Variants in KLHDC2 observed in about 807,000 individuals in gnomAD.
KLHDC2 encodes kelch domain-containing protein 2.
In KLHDC2, 38 loss-of-function variants were observed where a neutral mutation model predicts 62.3. The observed-to-expected ratio is 0.61, with a 90% CI of 0.47 to 0.80. KLHDC2 has a LOEUF of 0.80. Among genes scored for constraint, KLHDC2 ranks in the 30% least tolerant of loss-of-function variants. The pLI is 0.00. For missense variants in KLHDC2, 430 were observed against 495.3 expected, an observed-to-expected ratio of 0.87 and a Z score of 1.25; for synonymous variants, 159 against 161.0, an observed-to-expected ratio of 0.99 and a Z score of 0.09.
intron 2 of KLHDC2, among the ~76,000 whole-genome samples, chr14:49,773,892 A>T (rs67928515): frequency 0.13 from 19,176 of 152,092 alleles, 1,451 homozygotes; most frequent in Admixed American, 0.22. Context: ...AGTAACTTTT[A>T]AAAAAATGAG....
intron 1 of KLHDC2, among the ~76,000 whole-genome samples, chr14:49,769,727 AGGAGCTCGAG>A (rs2139787513): frequency 6.6e-6 from 1 of 151,634 alleles, no homozygotes; most frequent in Admixed American, 6.6e-5. Context: ...AGCTGAAGTC[AGGAGCTCGAG>A]ACCAGCCTGG....
At position 49,784,047 on chromosome 14, in the gene KLHDC2, C is replaced by G. The variant is rs1361723454; in HGVS notation, c.*1094C>G. The G allele has an allele frequency of 6.6e-6, 1 of 151,578 alleles. No individual in the cohort carries two copies. The highest frequency in any genetic ancestry group is 1.5e-5 in the Non-Finnish European group (1 of 67,910). The allele number at this position is 151,578 out of a possible 1,614,324, so 9.4% of individuals were successfully genotyped here. A position where few individuals can be genotyped will look rare whatever the true frequency, so the allele number is the denominator to read the frequency against. On this transcript the variant is annotated 3_prime_UTR_variant, in exon 13 of 13. Transcript: ENST00000298307. ...ACTTCACTGTTCAGTTTCTTTACAT[C>G]ATGAAATGAATACTTGGTATTAACC...
At position 49,785,889 on chromosome 14, in the gene KLHDC2, C is replaced by CAAAA. The variant is rs5808514; in HGVS notation, c.*2949_*2952dup. ...AGCCTGGGTGACAGAGACCCTGTCT[C>CAAAA]AAAAAAAAAAAAAAAAGGAAAAAAA... On this transcript the variant is annotated 3_prime_UTR_variant, in exon 13 of 13. Coordinates refer to ENST00000298307, the MANE Select transcript of KLHDC2 (RefSeq NM_014315.3). 1.4e-4 allele frequency: 17 copies of CAAAA among 124,060 alleles called. No homozygotes were observed. The highest frequency in any genetic ancestry group is 2.6e-4 in the Admixed American group (3 of 11,566). The allele number at this position is 124,060 out of a possible 1,614,324, so 7.7% of individuals were successfully genotyped here. A position where few individuals can be genotyped will look rare whatever the true frequency, so the allele number is the denominator to read the frequency against.
At chr14:49,781,083 T>A (rs1889888774) in intron 10 of KLHDC2, among the ~76,000 whole-genome samples, 1 of 152,178 alleles carries the variant, frequency 6.6e-6, no homozygotes, top group South Asian at 2.1e-4. Context: ...TTATTAAAAA[T>A]GAGGGTCGGC....
rs1889732253 is a variant in KLHDC2, at chr14:49,774,545, A to G, written c.234-16A>G. The G allele has an allele frequency of 6.6e-7, 1 of 1,519,076 alleles. No individual in the cohort carries two copies. The highest frequency in any genetic ancestry group is 1.1e-5 in the South Asian group (1 of 89,148). The allele number at this position is 1,519,076 out of a possible 1,614,324, so 94.1% of individuals were successfully genotyped here. A position where few individuals can be genotyped will look rare whatever the true frequency, so the allele number is the denominator to read the frequency against. On this transcript the variant is annotated splice_polypyrimidine_tract_variant and intron_variant, in intron 2 of 12. Coordinates refer to ENST00000298307, the MANE Select transcript of KLHDC2 (RefSeq NM_014315.3). ...CTTCCCTTTAACTTACATACATTTA[A>G]TTTATTCCCCCTCAGGAAAAAAATC...
At chr14:49,774,444 T>C (rs1889729425) in intron 2 of KLHDC2, 117 bp from the exon 3 acceptor site, 3 of 724,022 alleles carry the variant, frequency 4.1e-6, no homozygotes, top group Non-Finnish European at 7.5e-6. Context: ...CGGCACTGTC[T>C]ACTCTGCCTT....
Position 49,782,601 on chromosome 14 carries a change from A to G in KLHDC2, c.1097+7A>G. ...AACCAAAATCTCTTGTACGGTAAGTAACTTTGTACTTGGCACTTAGATTAT... is the reference window on the plus strand; with the variant it reads ...AACCAAAATCTCTTGTACGGTAAGTGACTTTGTACTTGGCACTTAGATTAT... On this transcript the variant is annotated splice_region_variant and intron_variant, in intron 12 of 12. Coordinates refer to ENST00000298307, the MANE Select transcript of KLHDC2 (RefSeq NM_014315.3). The G allele has an allele frequency of 6.3e-7, 1 of 1,592,424 alleles. No individual in the cohort carries two copies. Among genetic ancestry groups the G allele is most frequent in the African/African-American group, 1.3e-5 (1 of 74,280 alleles).
Position 49,778,504 on chromosome 14 carries a change from TA to T in KLHDC2, c.633+13del, listed in dbSNP as rs1207028109. The T allele has an allele frequency of 2.9e-6, 3 of 1,031,064 alleles. No homozygotes were observed. The highest frequency in any genetic ancestry group is 4.0e-6 in the Non-Finnish European group (3 of 754,268). 63.9% of individuals were successfully genotyped at this position (1,031,064 alleles called of 1,614,324 possible). A position where few individuals can be genotyped will look rare whatever the true frequency, so the allele number is the denominator to read the frequency against. ...CCAGCCTATAACTACTGTGAGTTAC[TA>T]AAGAATAATGAATTGTTAAGGATAC... is the stretch of plus-strand genomic sequence containing the variant. On this transcript the variant is annotated intron_variant, in intron 6 of 12. Transcript: ENST00000298307.
At chr14:49,776,700 C>G (rs1015125484) in intron 3 of KLHDC2, among the ~76,000 whole-genome samples, 2 of 152,072 alleles carry the variant, frequency 1.3e-5, no homozygotes, top group Admixed American at 6.6e-5. Context: ...GGGCACATCA[C>G]TTGAGGCCAG....
At position 49,782,955 on chromosome 14, in the gene KLHDC2, G is replaced by T; in HGVS notation, c.*2G>T. The T allele has an allele frequency of 6.2e-7, 1 of 1,610,856 alleles. No individual in the cohort carries two copies. ...AGTAACAACACTTCTGGATCTTAAGGCTTCATAAATAATGCCTATGATCAC... is the reference window on the plus strand; with the variant it reads ...AGTAACAACACTTCTGGATCTTAAGTCTTCATAAATAATGCCTATGATCAC... On this transcript the variant is annotated 3_prime_UTR_variant, in exon 13 of 13. Transcript: ENST00000298307.
Position 49,784,427 on chromosome 14 carries a change from C to CAAAT in KLHDC2, c.*1476_*1479dup. 2.2e-6 allele frequency: 1 copy of CAAAT among 464,718 alleles called. No homozygotes were observed. The highest frequency in any genetic ancestry group is 3.8e-6 in the Non-Finnish European group (1 of 262,396). 28.8% of individuals were successfully genotyped at this position (464,718 alleles called of 1,614,324 possible). ...ATATTAATTAGCATTTAACTGTCCACAAATACTTTTGGAAATCCTATCATA... is the reference window on the plus strand; with the variant it reads ...ATATTAATTAGCATTTAACTGTCCACAAATAAATACTTTTGGAAATCCTATCATA... On this transcript the variant is annotated 3_prime_UTR_variant, in exon 13 of 13. Coordinates refer to ENST00000298307, the MANE Select transcript of KLHDC2 (RefSeq NM_014315.3).
At chr14:49,781,608 A>T (rs991438419) in intron 10 of KLHDC2, among the ~76,000 whole-genome samples, 3 of 151,884 alleles carry the variant, frequency 2.0e-5, no homozygotes, top group African/African-American at 7.3e-5. Context: ...ATATGCCTGT[A>T]GTCCCAGCTA....
At chr14:49,781,759 T>C (rs1182250735) in intron 10 of KLHDC2, among the ~76,000 whole-genome samples, 3 of 151,628 alleles carry the variant, frequency 2.0e-5, no homozygotes, top group Non-Finnish European at 4.4e-5. Context: ...GCAGTAGCAC[T>C]GTATAACAAA....
intron 6 of KLHDC2, among the ~76,000 whole-genome samples, chr14:49,778,937 C>T (rs1027032795): frequency 6.6e-6 from 1 of 152,066 alleles, no homozygotes; most frequent in Non-Finnish European, 1.5e-5. Flanking sequence ...ATTGGCCAGG[C>T]TGGTCTTGAA....
At chr14:49,771,249 T>C (rs1356765902) in intron 1 of KLHDC2, among the ~76,000 whole-genome samples, 1 of 151,970 alleles carries the variant, frequency 6.6e-6, no homozygotes, top group Non-Finnish European at 1.5e-5. Context: ...CTTAGGAGGC[T>C]GAGGCAGGAG....
Position 49,784,879 on chromosome 14 carries a change from A to T in KLHDC2, c.*1926A>T. ...TAACAAAAAACTGCTAACATTTTAAATTGTACTGTCAGTCTCCACATTCCT... is the reference window on the plus strand; with the variant it reads ...TAACAAAAAACTGCTAACATTTTAATTTGTACTGTCAGTCTCCACATTCCT... On this transcript the variant is annotated 3_prime_UTR_variant, in exon 13 of 13. Coordinates refer to ENST00000298307, the MANE Select transcript of KLHDC2 (RefSeq NM_014315.3). 6.6e-7 allele frequency: 1 copy of T among 1,522,038 alleles called. No homozygotes were observed. The highest frequency in any genetic ancestry group is 9.1e-7 in the Non-Finnish European group (1 of 1,102,244). 94.3% of individuals were successfully genotyped at this position (1,522,038 alleles called of 1,614,324 possible).
In KLHDC2 at chr14:49,783,242, C is replaced by T. The variant is rs548235885; in HGVS notation, c.*289C>T. The T allele has an allele frequency of 8.7e-6, 2 of 228,860 alleles. No individual in the cohort carries two copies. Among genetic ancestry groups the T allele is most frequent in the South Asian group, 3.0e-4 (2 of 6,596 alleles). 14.2% of individuals were successfully genotyped at this position (228,860 alleles called of 1,614,324 possible). A position where few individuals can be genotyped will look rare whatever the true frequency, so the allele number is the denominator to read the frequency against. On this transcript the variant is annotated 3_prime_UTR_variant, in exon 13 of 13. Coordinates refer to ENST00000298307, the MANE Select transcript of KLHDC2 (RefSeq NM_014315.3). ...ACTTCAGGATATGTATCTGTAGAAACATTATAGTCTTACCATCATCAAAAT... is the reference window on the plus strand; with the variant it reads ...ACTTCAGGATATGTATCTGTAGAAATATTATAGTCTTACCATCATCAAAAT...
Position 49,778,500 on chromosome 14 carries a change from TTAC to T in KLHDC2, c.633+9_633+11del. On this transcript the variant is annotated splice_region_variant and intron_variant, in intron 6 of 12. Transcript: ENST00000298307. ...GGAGCCAGCCTATAACTACTGTGAG[TTAC>T]TAAAGAATAATGAATTGTTAAGGAT... 1 of 1,427,142 alleles carries T rather than the reference TTAC, an allele frequency of 7.0e-7. No individual in the cohort carries two copies. Among genetic ancestry groups the T allele is most frequent in the South Asian group, 1.2e-5 (1 of 85,286 alleles). 88.4% of individuals were successfully genotyped at this position (1,427,142 alleles called of 1,614,324 possible).
In KLHDC2 at chr14:49,779,794, A is replaced by T. The variant is rs1262411886; in HGVS notation, c.761A>T (p.Glu254Val). The T allele has an allele frequency of 8.7e-6, 14 of 1,607,860 alleles. No homozygotes were observed. In the South Asian group the frequency reaches 1.5e-4, roughly 18 times the overall value. The change falls in exon 8 of 13, where the codon GAG becomes GTG. Residue 254 changes from glutamate to valine, a missense_variant. Transcript: ENST00000298307. The stretch of plus-strand genomic sequence containing the variant: ...CACTATCTTAATCTGGATACATGGG[A>T]GTGGAATGAATTGTAGGTATCACTT... ...DLHYLNLDTW[E>V]WNELIPQGIC...
Sources: gnomAD v4.1 joint callset for allele counts (sites outside exome capture counted in the v4.1 genomes callset) on GRCh38, gnomAD v4.1.1 for gene constraint, MANE v1.5 for transcripts, NCBI Gene and HGNC (gene_info 2026-07-23, HGNC 2026-07-21) for gene names.